TEK: variants seen among roughly 807,000 people sequenced by gnomAD.
TEK encodes the protein TEK receptor tyrosine kinase, also known as angiopoietin-1 receptor.
In TEK, 43 loss-of-function variants were observed where a neutral mutation model predicts 131.8. That is an observed-to-expected ratio of 0.33 (90% CI 0.26 to 0.42). TEK has a LOEUF of 0.42. Among genes scored for constraint, TEK ranks in the 10% least tolerant of loss-of-function variants. The pLI is 1.00. For missense variants in TEK, 1,162 were observed against 1,384.4 expected (o/e 0.84, Z 2.55); for synonymous variants, 580 against 491.6 (o/e 1.18, Z -2.38).
At chr9:27,159,816 A>G (rs1382618140) in intron 2 of TEK, among the ~76,000 whole-genome samples, 1 of 152,084 alleles carries the variant, frequency 6.6e-6, no homozygotes, top group Non-Finnish European at 1.5e-5. Flanking sequence ...GGAGGAAGGT[A>G]CAGAATTCCA....
chr9:27,189,223 G>A (rs998245834), intron 9 of TEK, among the ~76,000 whole-genome samples: 4 of 152,110 alleles, frequency 2.6e-5, no homozygotes, highest in Non-Finnish European at 2.9e-5. Flanking sequence ...GCACCTAGTC[G>A]GTGCTGGTGA....
At chr9:27,220,252 C>G (rs1786640755) in intron 21 of TEK, 107 bp downstream of exon 21, 7 of 962,286 alleles carry the variant, frequency 7.3e-6, no homozygotes, top group Non-Finnish European at 9.9e-6. Context: ...TACACAAACA[C>G]CTACACACAG....
At chr9:27,196,033 GA>G (rs906607462) in intron 11 of TEK, among the ~76,000 whole-genome samples, 2 of 152,160 alleles carry the variant, frequency 1.3e-5, no homozygotes, top group African/African-American at 4.8e-5. Context: ...ACAGCTGTAT[GA>G]TTTCTGAAAA....
chr9:27,196,762 C>CT (rs367911024), intron 11 of TEK, among the ~76,000 whole-genome samples: 1,000 of 99,256 alleles, frequency 0.01, 11 homozygotes, highest in African/African-American at 0.022. Flanking sequence ...GTGCTATACA[C>CT]TTTTTTTTTT....
chr9:27,227,843 T>G (rs996713466), intron 21 of TEK, among the ~76,000 whole-genome samples: 2 of 152,182 alleles, frequency 1.3e-5, no homozygotes, highest in Non-Finnish European at 2.9e-5. Flanking sequence ...AAAGGGACTT[T>G]ATGTGGGTGG....
intron 18 of TEK, among the ~76,000 whole-genome samples, chr9:27,214,618 A>G (rs1299383824): frequency 6.6e-6 from 1 of 152,184 alleles, no homozygotes; most frequent in Non-Finnish European, 1.5e-5. Flanking sequence ...TTGAAAGGAA[A>G]TCACCCATAA....
chr9:27,195,739 C>T, intron 11 of TEK: 2 of 451,714 alleles, frequency 4.4e-6, no homozygotes, highest in Non-Finnish European at 8.9e-6. Context: ...CCCCTAACAC[C>T]TTCCAAGCAT....
At chr9:27,202,192 C>A (rs576343098) in intron 12 of TEK, among the ~76,000 whole-genome samples, 1 of 152,250 alleles carries the variant, frequency 6.6e-6, no homozygotes, top group African/African-American at 2.4e-5. Flanking sequence ...AATGTGATTC[C>A]ACTTTTCCCC....
At chr9:27,173,155 T>C in intron 5 of TEK, 67 bp from the exon 6 acceptor site, 4 of 1,596,134 alleles carry the variant, frequency 2.5e-6, no homozygotes, top group Non-Finnish European at 3.4e-6. Context: ...GAAATGAATC[T>C]AAAGAATTAT....
chr9:27,132,317 A>T (rs1167314783), intron 1 of TEK, among the ~76,000 whole-genome samples: 1 of 151,956 alleles, frequency 6.6e-6, no homozygotes, highest in Non-Finnish European at 1.5e-5. Flanking sequence ...TGAACTCCTG[A>T]CCTTGTGATT....
intron 21 of TEK, among the ~76,000 whole-genome samples, chr9:27,223,381 C>A (rs1442894377): frequency 6.6e-6 from 1 of 152,186 alleles, no homozygotes; most frequent in Admixed American, 6.6e-5. Flanking sequence ...GTAAAACATT[C>A]CTAAGCAAAT....
intron 4 of TEK, 72 bp downstream of exon 4, chr9:27,169,701 C>G (rs1564073423): frequency 4.4e-6 from 7 of 1,600,694 alleles, no homozygotes; most frequent in Middle Eastern, 3.7e-4. Flanking sequence ...TTGCAAATAA[C>G]AGAAACTAAC....
At chr9:27,119,153 A>G (rs1444481920) in intron 1 of TEK, among the ~76,000 whole-genome samples, 6 of 152,168 alleles carry the variant, frequency 3.9e-5, no homozygotes, top group Non-Finnish European at 7.3e-5. Context: ...TCAGTAGGAA[A>G]TGATGGAGAC....
In TEK at chr9:27,197,450, A is replaced by G. The variant is rs373551083; in HGVS notation, c.1760A>G (p.Asp587Gly). 83 of 1,613,954 alleles carry G rather than the reference A, an allele frequency of 5.1e-5. No homozygotes were observed. Among genetic ancestry groups the G allele is most frequent in the Admixed American group, 1.3e-4 (8 of 59,986 alleles). ...GAGAGAAGGTCTGTGCAAAAAAGTGATCAGCAGAATATTAAAGTTCCAGGC... is the reference window on the plus strand; with the variant it reads ...GAGAGAAGGTCTGTGCAAAAAAGTGGTCAGCAGAATATTAAAGTTCCAGGC... ...EVERRSVQKS[D>G]QQNIKVPGNL... Residue 587 changes from aspartate to glycine, a missense_variant, in exon 12 of 23, where the codon GAT becomes GGT. Transcript: ENST00000380036.
At chr9:27,114,675 A>G (rs1821481009) in intron 1 of TEK, among the ~76,000 whole-genome samples, 1 of 152,232 alleles carries the variant, frequency 6.6e-6, no homozygotes, top group Non-Finnish European at 1.5e-5. Context: ...TATCTTGTAA[A>G]TGATATTCAC....
At chr9:27,203,220 G>C (rs144408309) in intron 13 of TEK, 101 bp downstream of exon 13, 4 of 1,372,868 alleles carry the variant, frequency 2.9e-6, no homozygotes, top group Non-Finnish European at 4.1e-6. Flanking sequence ...ATGAAAAGTC[G>C]GTGGTTGAAT....
chr9:27,201,050 GTTCT>G (rs1564093781), intron 12 of TEK, among the ~76,000 whole-genome samples: 2 of 152,142 alleles, frequency 1.3e-5, no homozygotes, highest in South Asian at 2.1e-4. Flanking sequence ...GCTTCTAGAG[GTTCT>G]TTAAGTAGTG....
rs1825869814 is a variant in TEK, at chr9:27,217,741, C to T, written c.3045C>T (p.Tyr1015=). The T allele has an allele frequency of 1.2e-6, 2 of 1,613,808 alleles. No homozygotes were observed. Among genetic ancestry groups the T allele is most frequent in the African/African-American group, 1.3e-5 (1 of 75,008 alleles). The change falls in exon 19 of 23, where the codon TAC becomes TAT. Residue 1015 remains tyrosine, a synonymous_variant. Transcript: ENST00000380036. The part of the protein sequence containing the change: ...MAIESLNYSV[Y]TTNSDVWSYG... ...TCGAGTCACTGAATTACAGTGTGTA[C>T]ACAACCAACAGTGATGTGTGAGTAA...
At chr9:27,121,904 A>G (rs1401719922) in intron 1 of TEK, among the ~76,000 whole-genome samples, 1 of 152,238 alleles carries the variant, frequency 6.6e-6, no homozygotes, top group Non-Finnish European at 1.5e-5. Context: ...AATTAATGCT[A>G]TCCTAGTGAC....
Sources: gnomAD v4.1 joint callset for allele counts (sites outside exome capture counted in the v4.1 genomes callset) on GRCh38, gnomAD v4.1.1 for gene constraint, MANE v1.5 for transcripts, NCBI Gene and HGNC (gene_info 2026-07-23, HGNC 2026-07-21) for gene names.